The following GRIN3A variants were observed in gnomAD, a reference collection of about 807,000 sequenced individuals.
GRIN3A encodes the protein glutamate receptor ionotropic, NMDA 3A.
GRIN3A carries 47 observed loss-of-function variants against 92.4 expected under a neutral mutation model. That is an observed-to-expected ratio of 0.51 (90% confidence interval 0.40 to 0.65). The LOEUF (loss-of-function observed/expected upper bound fraction) is 0.65, where lower values mean the gene tolerates loss of function less well. Ranked by LOEUF, GRIN3A falls within the 30% of genes least tolerant of loss-of-function variation. The pLI is 0.00. For synonymous variants in GRIN3A, 527 were observed against 540.6 expected (o/e 0.97, Z 0.35); for missense variants, 1,324 against 1,393.1 (o/e 0.95, Z 0.79).
At chr9:101,583,222 T>C (rs1827911297) in intron 6 of GRIN3A, among the ~76,000 whole-genome samples, 1 of 152,224 alleles carries the variant, frequency 6.6e-6, no homozygotes, top group Non-Finnish European at 1.5e-5. Flanking sequence ...GCAATGCTTC[T>C]CAAACAATCG....
At chr9:101,628,151 G>T in intron 4 of GRIN3A, 105 bp downstream of exon 4, 1 of 1,067,466 alleles carries the variant, frequency 9.4e-7, no homozygotes, top group Non-Finnish European at 1.4e-6. Flanking sequence ...CACAACGTGG[G>T]TATATTCATC....
chr9:101,709,035 G>A lies in GRIN3A; in HGVS notation c.700-21835C>T, dbSNP rs572071323. On this transcript the variant is annotated intron_variant, in intron 1 of 8. Coordinates refer to ENST00000361820, the MANE Select transcript of GRIN3A (RefSeq NM_133445.3). ...AAATATTCCTATGACCCTTGGCAATGGACTCACTCTTTAAACAGCCTGCTC... is the reference window on the plus strand; with the variant it reads ...AAATATTCCTATGACCCTTGGCAATAGACTCACTCTTTAAACAGCCTGCTC... 3.8e-3 allele frequency among the ~76,000 whole-genome samples: 584 copies of A among 152,068 alleles called. 6 individuals carry two copies. The highest frequency in any genetic ancestry group is 3.4e-3 in the Middle Eastern group (1 of 290).
At chr9:101,720,274 A>G (rs1180704481) in intron 1 of GRIN3A, among the ~76,000 whole-genome samples, 1 of 152,216 alleles carries the variant, frequency 6.6e-6, no homozygotes, top group Non-Finnish European at 1.5e-5. Flanking sequence ...TCTATTTTTA[A>G]AATTTGAATT....
chr9:101,708,805 T>G (rs982021857), intron 1 of GRIN3A, among the ~76,000 whole-genome samples: 1 of 152,250 alleles, frequency 6.6e-6, no homozygotes, highest in Admixed American at 6.5e-5. Context: ...ATCTCCCAGA[T>G]GTTTATCAAA....
chr9:101,571,258 G>A lies in GRIN3A; in HGVS notation c.*1916C>T, dbSNP rs1042173130. The A allele has an allele frequency of 6.6e-6, 1 of 152,138 alleles. No homozygotes were observed. Among genetic ancestry groups the A allele is most frequent in the Non-Finnish European group, 1.5e-5 (1 of 68,042 alleles). The allele number at this position is 152,138 out of a possible 1,614,324, so 9.4% of individuals were successfully genotyped here. ...TTAGAGCCCTCCCACATCCATATCA[G>A]TATCTCTGAGCCTCCCTCCACTCCA... On this transcript the variant is annotated 3_prime_UTR_variant, in exon 9 of 9. Transcript: ENST00000361820.
chr9:101,634,174 A>G (rs1828749709), intron 3 of GRIN3A, among the ~76,000 whole-genome samples: 1 of 151,936 alleles, frequency 6.6e-6, no homozygotes, highest in Admixed American at 6.6e-5. Flanking sequence ...TCTACTAAAA[A>G]TACAAAAAGT....
chr9:101,579,446 A>G lies in GRIN3A; in HGVS notation c.2767-86T>C, dbSNP rs555707620. 38 of 1,359,198 alleles carry G rather than the reference A, an allele frequency of 2.8e-5. No homozygotes were observed. In the African/African-American group the frequency reaches 5.1e-4, roughly 18 times the overall value. 84.2% of individuals were successfully genotyped at this position (1,359,198 alleles called of 1,614,324 possible). A position where few individuals can be genotyped will look rare whatever the true frequency, so the allele number is the denominator to read the frequency against. On this transcript the variant is annotated intron_variant, in intron 6 of 8. Coordinates refer to ENST00000361820, the MANE Select transcript of GRIN3A (RefSeq NM_133445.3). ...TGTACTCTTTGGTTTTCAGATGGAT[A>G]TTCATTTTTTCTGGACTCAAGGACA... is the stretch of plus-strand genomic sequence containing the variant.
chr9:101,636,391 A>T (rs1828786232), intron 3 of GRIN3A, among the ~76,000 whole-genome samples: 1 of 152,116 alleles, frequency 6.6e-6, no homozygotes. Flanking sequence ...TCTTAAATTC[A>T]TTGCTTTGTT....
In GRIN3A at chr9:101,730,213, G is replaced by C. The variant is rs73504933; in HGVS notation, c.699+7068C>G. Among the ~76,000 whole-genome samples, 1,372 of 152,250 alleles carry C rather than the reference G, an allele frequency of 9.0e-3. 21 individuals carry two copies. The highest frequency in any genetic ancestry group is 0.031 in the African/African-American group (1,301 of 41,552). ...ATTGCGGGTACACTTCAGTGAACCA[G>C]AACTCTAAGTGGGACTTCAAAACAG... On this transcript the variant is annotated intron_variant, in intron 1 of 8. Coordinates refer to ENST00000361820, the MANE Select transcript of GRIN3A (RefSeq NM_133445.3).
intron 3 of GRIN3A, among the ~76,000 whole-genome samples, chr9:101,656,418 T>G (rs1296611396): frequency 2.0e-5 from 3 of 151,838 alleles, no homozygotes; most frequent in African/African-American, 4.8e-5. Flanking sequence ...AACATTAAGC[T>G]TGTTAAGAGG....
Position 101,572,576 on chromosome 9 carries a change from G to C in GRIN3A, c.*598C>G, listed in dbSNP as rs1374102650. 1 of 158,262 alleles carries C rather than the reference G, an allele frequency of 6.3e-6. No individual in the cohort carries two copies. The highest frequency in any genetic ancestry group is 1.4e-5 in the Non-Finnish European group (1 of 71,062). 9.8% of individuals were successfully genotyped at this position (158,262 alleles called of 1,614,324 possible). A position where few individuals can be genotyped will look rare whatever the true frequency, so the allele number is the denominator to read the frequency against. ...CAGTCAGGATGGAGTCAGAGATCCA[G>C]AACCTTCTCAAAAACATGGCTCTTG... On this transcript the variant is annotated 3_prime_UTR_variant, in exon 9 of 9. Transcript: ENST00000361820.
At chr9:101,604,666 G>C (rs1262983590) in intron 6 of GRIN3A, among the ~76,000 whole-genome samples, 3 of 152,162 alleles carry the variant, frequency 2.0e-5, no homozygotes, top group African/African-American at 7.2e-5. Context: ...GAATGAGAAA[G>C]GGGCAGGAGG....
chr9:101,671,240 T>G (rs751307911), intron 2 of GRIN3A, 133 bp from the exon 3 acceptor site: 23 of 718,480 alleles, frequency 3.2e-5, no homozygotes, highest in Non-Finnish European at 5.2e-5. Flanking sequence ...TGCCTATAAT[T>G]TCTTCAAATG....
intron 8 of GRIN3A, among the ~76,000 whole-genome samples, chr9:101,574,822 T>C (rs1483965324): frequency 6.6e-6 from 1 of 152,220 alleles, no homozygotes; most frequent in African/African-American, 2.4e-5. Flanking sequence ...GGAACCCTGC[T>C]GCTGCAATGT....
At chr9:101,736,865 T>C (rs574039812) in intron 1 of GRIN3A, among the ~76,000 whole-genome samples, 151 of 152,268 alleles carry the variant, frequency 9.9e-4, no homozygotes, top group African/African-American at 3.5e-3. Flanking sequence ...CTTGGGAGTG[T>C]GACACCTAGC....
At chr9:101,698,168 T>C (rs1829706028) in intron 1 of GRIN3A, among the ~76,000 whole-genome samples, 2 of 152,218 alleles carry the variant, frequency 1.3e-5, no homozygotes, top group South Asian at 4.1e-4. Context: ...ATACATTTTC[T>C]GGGTTTACAT....
At chr9:101,635,535 A>G (rs7041448) in intron 3 of GRIN3A, among the ~76,000 whole-genome samples, 39 of 152,344 alleles carry the variant, frequency 2.6e-4, no homozygotes, top group African/African-American at 8.7e-4. Context: ...TCTCTATTCT[A>G]AAATCCTAAA....
chr9:101,666,411 A>G (rs1829237503), intron 3 of GRIN3A, among the ~76,000 whole-genome samples: 1 of 151,886 alleles, frequency 6.6e-6, no homozygotes, highest in African/African-American at 2.4e-5. Context: ...CAAATACCAC[A>G]TGTTCTTTCT....
intron 1 of GRIN3A, among the ~76,000 whole-genome samples, chr9:101,723,573 C>G (rs1288822533): frequency 6.6e-6 from 1 of 152,170 alleles, no homozygotes; most frequent in Non-Finnish European, 1.5e-5. Context: ...CTTTTATTCT[C>G]TTATCTGGCC....
Sources: allele counts gnomAD v4.1 joint callset (sites outside exome capture counted in the v4.1 genomes callset), GRCh38; gene constraint gnomAD v4.1.1; transcripts MANE v1.5; gene names NCBI Gene and HGNC (gene_info 2026-07-23, HGNC 2026-07-21).